AP3D1: variants seen among roughly 807,000 people sequenced by gnomAD.
AP3D1 encodes AP-3 complex subunit delta-1.
AP3D1 carries 51 observed loss-of-function variants against 147.6 expected under a neutral mutation model. That is an observed-to-expected ratio of 0.35 (90% confidence interval 0.28 to 0.44). The LOEUF is 0.44. Ranked by LOEUF, AP3D1 falls within the 20% of genes least tolerant of loss-of-function variation. The pLI is 1.00. For synonymous variants in AP3D1, 760 were observed against 663.0 expected, an observed-to-expected ratio of 1.15 and a Z score of -2.25; for missense variants, 1,421 against 1,624.2, an observed-to-expected ratio of 0.87 and a Z score of 2.15.
upstream of AP3D1, chr19:2,164,515 G>T (rs1047150611): frequency 3.3e-6 from 1 of 303,046 alleles, no homozygotes; most frequent in Admixed American, 5.1e-5. Flanking sequence ...CCGCGGTGCC[G>T]TTGCCCCCGC....
At chr19:2,118,108 T>C in intron 15 of AP3D1, among the ~76,000 whole-genome samples, 1 of 152,122 alleles carries the variant, frequency 6.6e-6, no homozygotes, top group Non-Finnish European at 1.5e-5. Flanking sequence ...TGTCATGAGC[T>C]GAGATCGCAC....
chr19:2,116,450 G>C lies in AP3D1; in HGVS notation c.2001+155C>G, dbSNP rs558330578. ...CAATTGGGAAGAGCACGTATTGGGG[G>C]AAAAGGAATCGCTAACGCTCTGGGA... is the stretch of plus-strand genomic sequence containing the variant. On this transcript the variant is annotated intron_variant, in intron 17 of 31. Transcript: ENST00000643116. Among the ~76,000 whole-genome samples, 28 of 152,364 alleles carry C rather than the reference G, an allele frequency of 1.8e-4. 1 individual carries two copies. In the South Asian group the frequency reaches 5.0e-3, roughly 27 times the overall value.
rs182385380 is a variant in AP3D1 at position 2,121,722 on chromosome 19, G to T, written c.1101+12C>A. On this transcript the variant is annotated intron_variant, in intron 12 of 31. Coordinates refer to ENST00000643116, the MANE Select transcript of AP3D1 (RefSeq NM_001261826.3). ...AGGCCAGGCGGGCGGGCGGCGGACA[G>T]AGGGCACGCACCATCCCATAGAGCA... 6.4e-7 allele frequency: 1 copy of T among 1,565,992 alleles called. No individual in the cohort carries two copies. The highest frequency in any genetic ancestry group is 1.4e-5 in the African/African-American group (1 of 72,966).
At chr19:2,111,871 A>G (rs764173590) in intron 24 of AP3D1, 43 bp from the exon 25 acceptor site, 3 of 1,609,826 alleles carry the variant, frequency 1.9e-6, no homozygotes, top group Non-Finnish European at 2.5e-6. Flanking sequence ...AGGCTGCTCC[A>G]GCACGCCCCC....
At chr19:2,118,528 C>T in intron 15 of AP3D1, 73 bp downstream of exon 15, 1 of 1,425,636 alleles carries the variant, frequency 7.0e-7, no homozygotes, top group Non-Finnish European at 9.5e-7. Flanking sequence ...GCCCCGTCGA[C>T]CTGGCCGCCA....
Position 2,121,097 on chromosome 19 carries a change from G to A in AP3D1, c.1251-5C>T, listed in dbSNP as rs2018597401. 1 of 1,613,802 alleles carries A rather than the reference G, an allele frequency of 6.2e-7. No individual in the cohort carries two copies. Among genetic ancestry groups the A allele is most frequent in the Non-Finnish European group, 8.5e-7 (1 of 1,179,898 alleles). On this transcript the variant is annotated splice_polypyrimidine_tract_variant and splice_region_variant and intron_variant, in intron 13 of 31. Coordinates refer to ENST00000643116, the MANE Select transcript of AP3D1 (RefSeq NM_001261826.3). ...TCCACCAGGATGCTGATGTACCTGT[G>A]GGGCAGAGGCGGTGAGTGAGCGGCG...
intron 31 of AP3D1, among the ~76,000 whole-genome samples, chr19:2,103,653 G>A (rs1443079151): frequency 6.6e-6 from 1 of 152,174 alleles, no homozygotes; most frequent in Non-Finnish European, 1.5e-5. Flanking sequence ...GGAGAGGCTG[G>A]GCAGGTGGTG....
intron 2 of AP3D1, 56 bp downstream of exon 2, chr19:2,138,563 G>A (rs2019136528): frequency 1.5e-5 from 20 of 1,308,050 alleles, no homozygotes; most frequent in Non-Finnish European, 3.3e-6. Context: ...GGGGACACGT[G>A]CTGAGTGGAG....
intron 1 of AP3D1, 104 bp downstream of exon 1, chr19:2,151,135 C>T (rs1377244217): frequency 3.4e-6 from 4 of 1,162,428 alleles, no homozygotes; most frequent in Non-Finnish European, 3.6e-6. Flanking sequence ...CCAACTAAGA[C>T]AGAGCCCGGG....
chr19:2,143,389 C>A (rs772821758), intron 1 of AP3D1, among the ~76,000 whole-genome samples: 3 of 151,718 alleles, frequency 2.0e-5, no homozygotes, highest in Admixed American at 6.6e-5. Flanking sequence ...TACAGGCGCC[C>A]GCGACCATGC....
upstream of AP3D1, among the ~76,000 whole-genome samples, chr19:2,154,455 T>A (rs1163348271): frequency 1.3e-5 from 2 of 151,426 alleles, no homozygotes; most frequent in African/African-American, 4.9e-5. Context: ...AATTTTTGTA[T>A]TTTAGTAGAG....
In AP3D1 at chr19:2,106,042, G is replaced by A. The variant is rs544563834; in HGVS notation, c.3552+2645C>T. 7.9e-5 allele frequency among the ~76,000 whole-genome samples: 12 copies of A among 152,024 alleles called. No individual in the cohort carries two copies. The South Asian group carries it at 2.3e-3, about 29-fold the overall frequency. On this transcript the variant is annotated intron_variant, in intron 31 of 31. Transcript: ENST00000643116. ...AACCCGGGAGGAGCTGCAGTGAGCT[G>A]AGATCGCACCACTGCACTCCAGCCT...
At chr19:2,129,871 T>C (rs2018887574) in intron 6 of AP3D1, among the ~76,000 whole-genome samples, 2 of 152,146 alleles carry the variant, frequency 1.3e-5, no homozygotes, top group African/African-American at 4.8e-5. Context: ...GTCCCGGGCT[T>C]AGGGCTGGGG....
intron 1 of AP3D1, among the ~76,000 whole-genome samples, chr19:2,141,210 C>A (rs3786971): frequency 6.6e-6 from 1 of 151,866 alleles, no homozygotes. Flanking sequence ...ATCAGAGGAG[C>A]AACATGGTGA....
chr19:2,114,235 C>T lies in AP3D1; in HGVS notation c.2491G>A (p.Glu831Lys). 1 of 1,613,656 alleles carries T rather than the reference C, an allele frequency of 6.2e-7. No individual in the cohort carries two copies. Among genetic ancestry groups the T allele is most frequent in the Non-Finnish European group, 8.5e-7 (1 of 1,179,884 alleles). ...HRNTETSKSP[E>K]KDVPMVEKKS... ...TTTTCTACCATGGGAACGTCCTTCT[C>T]AGGGGATTTTGAGGTCTCGGTGTTT... Residue 831 changes from glutamate to lysine, a missense_variant, in exon 22 of 32, where the codon GAG becomes AAG. By Grantham distance (56) the Glu-to-Lys change is moderately conservative (BLOSUM62 1). Coordinates refer to ENST00000643116, the MANE Select transcript of AP3D1 (RefSeq NM_001261826.3).
At position 2,112,524 on chromosome 19, in the gene AP3D1, A is replaced by G. The variant is rs571902486; in HGVS notation, c.2787+336T>C. On this transcript the variant is annotated intron_variant, in intron 24 of 31. Coordinates refer to ENST00000643116, the MANE Select transcript of AP3D1 (RefSeq NM_001261826.3). ...AGGGCAGGGAAGGGAGTGAGAAGTA[A>G]CGGCTGGTGGGAATGGAGCTTCTTT... 63 of 236,312 alleles carry G rather than the reference A, an allele frequency of 2.7e-4. No homozygotes were observed. In the South Asian group the frequency reaches 3.5e-3, roughly 13 times the overall value. 14.6% of individuals were successfully genotyped at this position (236,312 alleles called of 1,614,324 possible). A position where few individuals can be genotyped will look rare whatever the true frequency, so the allele number is the denominator to read the frequency against.
At position 2,114,106 on chromosome 19, in the gene AP3D1, C is replaced by T. The variant is rs1454361754; in HGVS notation, c.2601+19G>A. On this transcript the variant is annotated intron_variant, in intron 22 of 31. Transcript: ENST00000643116. Reference sequence around the variant, plus strand: ...GGGAGGGGAATGGAGAAGGCCGCCGCCCTGGGCACTAGCCTTACCTTCTTC... The same window carrying T: ...GGGAGGGGAATGGAGAAGGCCGCCGTCCTGGGCACTAGCCTTACCTTCTTC... 6.4e-7 allele frequency: 1 copy of T among 1,551,340 alleles called. No individual in the cohort carries two copies. Among genetic ancestry groups the T allele is most frequent in the Non-Finnish European group, 8.7e-7 (1 of 1,147,812 alleles).
intron 4 of AP3D1, among the ~76,000 whole-genome samples, chr19:2,133,832 G>C (rs62128400): frequency 1.3e-5 from 2 of 150,936 alleles, no homozygotes; most frequent in African/African-American, 2.4e-5. Context: ...CACAGTGGCC[G>C]TGCGCGGTGG....
In AP3D1 at chr19:2,121,219, G is replaced by C; in HGVS notation, c.1194C>G (p.Thr398=). Residue 398 remains threonine (T), a synonymous_variant, in exon 13 of 32, where the codon ACC becomes ACG. Transcript: ENST00000643116. ...ACTGGCTGCAGATGTCAATGATCTT[G>C]GTGAGCAGCTCGTCACGGTAGGTGG... is the stretch of plus-strand genomic sequence containing the variant. ...EGTTYRDELL[T]KIIDICSQSN... is the part of the protein sequence containing the mutation. 2 of 1,614,222 alleles carry C rather than the reference G, an allele frequency of 1.2e-6. No individual in the cohort carries two copies. The highest frequency in any genetic ancestry group is 1.7e-6 in the Non-Finnish European group (2 of 1,180,026).
Sources: allele counts gnomAD v4.1 joint callset (sites outside exome capture counted in the v4.1 genomes callset), GRCh38; gene constraint gnomAD v4.1.1; transcripts MANE v1.5; gene names NCBI Gene and HGNC (gene_info 2026-07-23, HGNC 2026-07-21).